Variants in CASP8 observed in about 807,000 individuals in gnomAD.
CASP8 encodes caspase 8.
CASP8 carries 24 observed loss-of-function variants against 46.3 expected under a neutral mutation model. That is an observed-to-expected ratio of 0.52 (90% CI 0.38 to 0.73). CASP8 has a LOEUF of 0.73. CASP8 is among the 30% of genes least tolerant of loss of function. CASP8 has a pLI of 0.00. For synonymous variants in CASP8, 188 were observed against 200.4 expected, an observed-to-expected ratio of 0.94 and a Z score of 0.52; for missense variants, 460 against 559.0, an observed-to-expected ratio of 0.82 and a Z score of 1.79.
rs1444492445 is a variant in CASP8, at chr2:201,273,043, C to T, written c.595+101C>T. 18 of 958,350 alleles carry T rather than the reference C, an allele frequency of 1.9e-5. No homozygotes were observed. The East Asian group carries it at 3.4e-4, about 18-fold the overall frequency. 59.4% of individuals were successfully genotyped at this position (958,350 alleles called of 1,614,324 possible). A position where few individuals can be genotyped will look rare whatever the true frequency, so the allele number is the denominator to read the frequency against. On this transcript the variant is annotated intron_variant, in intron 5 of 8. Coordinates refer to ENST00000673742, the MANE Select transcript of CASP8 (RefSeq NM_001372051.1). ...TCTACCACATGCACATCTTAACGTG[C>T]CTGCTCTACTTTTTCTTTTTTTTTT...
chr2:201,235,564 A>C (rs1391961069), intron 2 of CASP8, among the ~76,000 whole-genome samples: 2 of 152,154 alleles, frequency 1.3e-5, no homozygotes, highest in Non-Finnish European at 2.9e-5. Flanking sequence ...TTAATTATGC[A>C]TGCTTTTAGT....
Position 201,249,811 on chromosome 2 carries a change from G to A in CASP8, c.-27+15699G>A, listed in dbSNP as rs1011065138. ...ACTTCTCCCCTCCCCACACTTTCCC[G>A]TTATTAACATCTTGCATTAGTGTGG... On this transcript the variant is annotated intron_variant, in intron 2 of 6. Coordinates refer to the CASP8 transcript ENST00000264274. 4.6e-5 allele frequency among the ~76,000 whole-genome samples: 7 copies of A among 152,120 alleles called. No individual in the cohort carries two copies. The East Asian group carries it at 9.6e-4, about 21-fold the overall frequency.
intron 8 of CASP8, 67 bp from the exon 9 acceptor site, chr2:201,286,392 G>A (rs2125507479): frequency 6.4e-7 from 1 of 1,567,232 alleles, no homozygotes; most frequent in Non-Finnish European, 8.8e-7. Context: ...TCTGAGCACA[G>A]CAGAGGAGAC....
chr2:201,280,058 CT>C (rs1491383060), intron 7 of CASP8, among the ~76,000 whole-genome samples: 1 of 151,388 alleles, frequency 6.6e-6, no homozygotes, highest in Non-Finnish European at 1.5e-5. Flanking sequence ...AAAAAGCAAC[CT>C]TTTTTAATGC....
chr2:201,266,493 T>G lies in CASP8; in HGVS notation c.7T>G (p.Phe3Val). The G allele has an allele frequency of 6.2e-7, 1 of 1,613,962 alleles. No individual in the cohort carries two copies. The highest frequency in any genetic ancestry group is 8.5e-7 in the Non-Finnish European group (1 of 1,179,814). MD[F>V]SRNLYDIGEQ... ...TCTCCTGCCTTTTAAAAAGATGGAC[T>G]TCAGCAGAAATCTTTATGATATTGG... The change falls in exon 2 of 9, where the codon TTC (phenylalanine) becomes GTC (valine). Residue 3 changes from phenylalanine (F) to valine (V), a missense_variant. Coordinates refer to ENST00000673742, the MANE Select transcript of CASP8 (RefSeq NM_001372051.1). This position sits in a 1 kb window ranked among gnomAD's most constrained non-coding sequence, Gnocchi z 5.7.
chr2:201,238,444 T>G (rs1209088557), intron 2 of CASP8, among the ~76,000 whole-genome samples: 3 of 150,390 alleles, frequency 2.0e-5, no homozygotes, highest in Non-Finnish European at 3.0e-5. Context: ...TCTTTTTTCT[T>G]TCTTTTTTTT....
At chr2:201,250,497 C>T (rs183925894) in intron 2 of CASP8, among the ~76,000 whole-genome samples, 1 of 152,302 alleles carries the variant, frequency 6.6e-6, no homozygotes, top group East Asian at 1.9e-4. Context: ...GGGAGCGAGA[C>T]ATCTCATGTG....
chr2:201,260,299 C>G (rs1559343133), upstream of CASP8, among the ~76,000 whole-genome samples: 1 of 152,126 alleles, frequency 6.6e-6, no homozygotes, highest in Admixed American at 6.5e-5. Flanking sequence ...AAATGAGGCC[C>G]CAAAGGTAAA....
intron 2 of CASP8, among the ~76,000 whole-genome samples, chr2:201,249,229 T>G (rs181733652): frequency 6.6e-6 from 1 of 152,354 alleles, no homozygotes; most frequent in Admixed American, 6.5e-5. Flanking sequence ...TGACTATCCA[T>G]CTGGATTTGA....
chr2:201,244,965 T>A (rs1289847385), intron 2 of CASP8, among the ~76,000 whole-genome samples: 1 of 152,246 alleles, frequency 6.6e-6, no homozygotes, highest in Admixed American at 6.5e-5. Flanking sequence ...TCCCCTGAGA[T>A]GCATAGTCCA....
intron 2 of CASP8, among the ~76,000 whole-genome samples, chr2:201,245,381 C>T (rs538175679): frequency 6.6e-6 from 1 of 152,212 alleles, no homozygotes; most frequent in Admixed American, 6.5e-5. Flanking sequence ...GCTGGAATTA[C>T]AGACACGCAC....
intron 6 of CASP8, among the ~76,000 whole-genome samples, chr2:201,276,397 C>A (rs1948633889): frequency 6.6e-6 from 1 of 152,146 alleles, no homozygotes; most frequent in Admixed American, 6.5e-5. Context: ...CAGTAGACAG[C>A]CAAGAGAATC....
chr2:201,280,921 A>G (rs1283131244), intron 7 of CASP8, among the ~76,000 whole-genome samples: 1 of 152,236 alleles, frequency 6.6e-6, no homozygotes, highest in African/African-American at 2.4e-5. Flanking sequence ...AAAGCAGATG[A>G]AAAAATAATA....
intron 2 of CASP8, among the ~76,000 whole-genome samples, chr2:201,251,416 A>G (rs2124997164): frequency 6.6e-6 from 1 of 151,216 alleles, no homozygotes; most frequent in Non-Finnish European, 1.5e-5. Context: ...ACACAGTGAA[A>G]CCTCATCTCT....
rs954891464 is a variant in CASP8 at position 201,247,067 on chromosome 2, C to T, written c.-27+12955C>T. On this transcript the variant is annotated intron_variant, in intron 2 of 6. Transcript: ENST00000264274. ...AAAACTAGCTGGGTGCAGTGGCAGG[C>T]GCCTGTATTCTGCTAGGGAGCTGAG... Among the ~76,000 whole-genome samples the T allele has an allele frequency of 1.9e-4, 29 of 151,574 alleles. No individual in the cohort carries two copies. The South Asian group carries it at 5.0e-3, about 26-fold the overall frequency.
intron 2 of CASP8, among the ~76,000 whole-genome samples, chr2:201,235,246 A>G (rs1218467885): frequency 6.6e-6 from 1 of 152,114 alleles, no homozygotes; most frequent in African/African-American, 2.4e-5. Context: ...CAGTTGGTAC[A>G]TCTTTTTCCA....
intron 2 of CASP8, among the ~76,000 whole-genome samples, chr2:201,236,662 G>A (rs536252224): frequency 1.3e-5 from 2 of 152,168 alleles, no homozygotes; most frequent in African/African-American, 4.8e-5. Context: ...TCGGCTTACC[G>A]AACCCTGGCC....
At chr2:201,269,656 C>T in intron 2 of CASP8, 1 of 1,304,036 alleles carries the variant, frequency 7.7e-7, no homozygotes, top group Non-Finnish European at 1.1e-6. Context: ...ATAAAAGGGT[C>T]CGGGCAATCC....
chr2:201,258,322 G>T (rs775130430), upstream of CASP8: 45 of 1,613,972 alleles, frequency 2.8e-5, no homozygotes, highest in Admixed American at 1.2e-4. Context: ...TGCTGAGCAC[G>T]TGGAGTTAGG....
Sources: gnomAD v4.1 joint callset for allele counts (sites outside exome capture counted in the v4.1 genomes callset) on GRCh38, gnomAD v4.1.1 for gene constraint, Gnocchi (gnomAD v3.1) non-coding constraint, MANE v1.5 for transcripts, NCBI Gene and HGNC (gene_info 2026-07-23, HGNC 2026-07-21) for gene names.